The following HEATR4 variants were observed in gnomAD, a reference collection of about 807,000 sequenced individuals.
HEATR4 encodes HEAT repeat containing 4, also known as HEAT repeat-containing protein 4.
In HEATR4, 95 loss-of-function variants were observed where a neutral mutation model predicts 108.8. The ratio of observed to expected loss-of-function variants is 0.87; its 90% CI spans 0.74 to 1.04. HEATR4 has a LOEUF of 1.04. HEATR4 is among the 50% of genes least tolerant of loss of function. The probability of loss-of-function intolerance (pLI) is 0.00; values close to 1 mark genes in which losing one functional copy is unlikely to be tolerated. For missense variants in HEATR4, 1,152 were observed against 1,253.8 expected, an observed-to-expected ratio of 0.92 and a Z score of 1.23; for synonymous variants, 443 against 459.4, an observed-to-expected ratio of 0.96 and a Z score of 0.46.
chr14:73,621,189 G>A, the HEATR4 span, among the ~76,000 whole-genome samples: 39 of 151,608 alleles, frequency 2.6e-4, 1 homozygote, highest in African/African-American at 9.4e-4. Context: ...CTCCAGCCTG[G>A]GCAACAAGAG....
the HEATR4 span, chr14:73,569,957 C>A: frequency 2.7e-6 from 4 of 1,504,608 alleles, no homozygotes; most frequent in Non-Finnish European, 3.5e-6. Flanking sequence ...CCACGCTTTT[C>A]GCTTATGTGT....
chr14:73,598,550 G>C, the HEATR4 span, among the ~76,000 whole-genome samples: 2 of 151,926 alleles, frequency 1.3e-5, no homozygotes, highest in East Asian at 3.9e-4. Context: ...AGGAACACCT[G>C]CCTTTGGAGC....
At chr14:73,513,747 AAAAAAAAAAAT>A (rs1887415535) in intron 6 of HEATR4, among the ~76,000 whole-genome samples, 1 of 149,728 alleles carries the variant, frequency 6.7e-6, no homozygotes, top group South Asian at 2.1e-4. Flanking sequence ...AAAAAAAAAA[AAAAAAAAAAAT>A]GGTCTCTGCC....
intron 8 of HEATR4, 70 bp from the exon 9 acceptor site, chr14:73,508,364 T>C (rs914608597): frequency 7.0e-6 from 10 of 1,437,936 alleles, no homozygotes; most frequent in Admixed American, 1.8e-5. Context: ...GCCTTTGGAT[T>C]GATACCCAAG....
At chr14:73,586,834 C>T in the HEATR4 span, among the ~76,000 whole-genome samples, 1 of 152,092 alleles carries the variant, frequency 6.6e-6, no homozygotes, top group African/African-American at 2.4e-5. Context: ...ATCCCAGCCT[C>T]CCTGAGTAGC....
Position 73,478,702 on chromosome 14 carries a change from G to A in HEATR4, c.2985C>T (p.Ser995=), listed in dbSNP as rs752748363. The A allele has an allele frequency of 3.1e-6, 5 of 1,613,812 alleles. No homozygotes were observed. Among genetic ancestry groups the A allele is most frequent in the Admixed American group, 3.3e-5 (2 of 59,976 alleles). Residue 995 remains serine (S), a synonymous_variant, in exon 18 of 18, where the codon TCC becomes TCT. Coordinates refer to ENST00000553558, the MANE Select transcript of HEATR4 (RefSeq NM_001220484.1). ...EKRIAVGPFR[S]DYPALYLGKF... ...TACCCAGATAAAGAGCTGGGTAGTC[G>A]GATCTAAATGGTCCCACAGCAATCC...
the HEATR4 span, among the ~76,000 whole-genome samples, chr14:73,604,530 G>C: frequency 1.3e-5 from 2 of 151,890 alleles, no homozygotes; most frequent in Non-Finnish European, 1.5e-5. Context: ...CTGTTGCCCA[G>C]GCTGGAGTGC....
Position 73,512,158 on chromosome 14 carries a change from C to T in HEATR4, c.1415-9G>A. ...ATGGTGCCACTCTATGACTGAGCCG[C>T]AGTGAGGGAAATGAAAAGAGAACCA... On this transcript the variant is annotated splice_polypyrimidine_tract_variant and intron_variant, in intron 6 of 17. Coordinates refer to ENST00000553558, the MANE Select transcript of HEATR4 (RefSeq NM_001220484.1). 6.2e-7 allele frequency: 1 copy of T among 1,614,010 alleles called. No individual in the cohort carries two copies. Among genetic ancestry groups the T allele is most frequent in the Non-Finnish European group, 8.5e-7 (1 of 1,179,952 alleles).
chr14:73,615,368 C>G, the HEATR4 span, among the ~76,000 whole-genome samples: 8 of 117,578 alleles, frequency 6.8e-5, no homozygotes, highest in East Asian at 2.3e-3. Flanking sequence ...GCCTGGGCAA[C>G]AGAGAGAGAC....
the HEATR4 span, chr14:73,619,710 T>G: frequency 3.7e-6 from 6 of 1,614,176 alleles, no homozygotes; most frequent in Non-Finnish European, 4.2e-6. Context: ...CTGTTTTGGG[T>G]GAGGCAATAT....
chr14:73,502,548 C>T (rs960000009), intron 11 of HEATR4, among the ~76,000 whole-genome samples: 3 of 151,758 alleles, frequency 2.0e-5, no homozygotes, highest in African/African-American at 7.3e-5. Flanking sequence ...CCCAGGCCTC[C>T]TAAGCACTTT....
intron 1 of HEATR4, among the ~76,000 whole-genome samples, chr14:73,553,401 CG>C (rs1378896480): frequency 8.9e-6 from 1 of 112,042 alleles, no homozygotes; most frequent in Non-Finnish European, 2.0e-5. Context: ...ATCCCAGCTA[CG>C]GGGGAGGCTG....
the HEATR4 span, chr14:73,619,982 G>A: frequency 1.0e-6 from 1 of 965,878 alleles, no homozygotes. Context: ...CATAATCTTG[G>A]CTCACTGTAA....
At chr14:73,569,196 G>A in the HEATR4 span, 3 of 1,602,200 alleles carry the variant, frequency 1.9e-6, 1 homozygote, top group Non-Finnish European at 2.6e-6. Context: ...TTAGCAGACA[G>A]CTCTGCCCTA....
At chr14:73,491,515 G>A in intron 17 of HEATR4, 1 of 1,513,464 alleles carries the variant, frequency 6.6e-7, no homozygotes. Flanking sequence ...CCCCTGCGAC[G>A]GCGTCGGGGC....
chr14:73,513,728 C>CAAAAAAAAA (rs747778891), intron 6 of HEATR4, among the ~76,000 whole-genome samples: 1 of 46,758 alleles, frequency 2.1e-5, no homozygotes. Flanking sequence ...ACTACGTCTC[C>CAAAAAAAAA]AAAAAAAAAA....
the HEATR4 span, among the ~76,000 whole-genome samples, chr14:73,602,398 T>G: frequency 6.6e-6 from 1 of 152,180 alleles, no homozygotes; most frequent in Admixed American, 6.6e-5. Context: ...CGCTTCCTGG[T>G]GCCGAGCTCC....
chr14:73,577,776 G>A, the HEATR4 span, among the ~76,000 whole-genome samples: 2 of 152,118 alleles, frequency 1.3e-5, no homozygotes, highest in Admixed American at 1.3e-4. Flanking sequence ...CTACTTGGGA[G>A]GCTGAGGCAG....
the HEATR4 span, chr14:73,612,618 A>T: frequency 7.1e-7 from 1 of 1,418,182 alleles, no homozygotes; most frequent in Non-Finnish European, 9.2e-7. Flanking sequence ...TGCTGCTGGG[A>T]CGAGCCGCTG....
Sources: gnomAD v4.1 joint callset for allele counts (sites outside exome capture counted in the v4.1 genomes callset) on GRCh38, gnomAD v4.1.1 for gene constraint, MANE v1.5 for transcripts, NCBI Gene and HGNC (gene_info 2026-07-23, HGNC 2026-07-21) for gene names.